DUOXA2: variants seen among roughly 807,000 people sequenced by gnomAD.
DUOXA2 encodes the protein dual oxidase maturation factor 2.
DUOXA2 carries 22 observed loss-of-function variants against 27.6 expected under a neutral mutation model. That is an observed-to-expected ratio of 0.80 (90% CI 0.57 to 1.14). The LOEUF (loss-of-function observed/expected upper bound fraction) is 1.14, where lower values mean the gene tolerates loss of function less well. Among genes scored for constraint, DUOXA2 ranks in the 50% most tolerant of loss-of-function variants. The pLI, the probability that DUOXA2 is intolerant of heterozygous loss-of-function variation, is 0.00. For missense variants in DUOXA2, 481 were observed against 419.9 expected (o/e 1.15, Z -1.27); for synonymous variants, 188 against 184.4 (o/e 1.02, Z -0.16).
intron 4 of DUOXA2, 96 bp downstream of exon 4, chr15:45,116,825 T>C (rs1248583935): frequency 6.9e-7 from 1 of 1,442,234 alleles, no homozygotes. Flanking sequence ...GCTGAGCAGC[T>C]GCAGCCAGAC....
At position 45,114,493 on chromosome 15, in the gene DUOXA2, G is replaced by A. The variant is rs1412651596; in HGVS notation, c.-113G>A. Reference sequence around the variant, plus strand: ...GGACTCAGACTTCACCAGCCCACTCGGTCCCAGCCTTGTACGCAAAGAGAC... The same window carrying A: ...GGACTCAGACTTCACCAGCCCACTCAGTCCCAGCCTTGTACGCAAAGAGAC... On this transcript the variant is annotated 5_prime_UTR_variant, in exon 1 of 6. Coordinates refer to ENST00000323030, the MANE Select transcript of DUOXA2 (RefSeq NM_207581.4). The A allele has an allele frequency of 7.5e-6, 11 of 1,468,742 alleles. No homozygotes were observed. In the East Asian group the frequency reaches 1.2e-4, roughly 16 times the overall value. The allele number at this position is 1,468,742 out of a possible 1,614,324, so 91.0% of individuals were successfully genotyped here.
rs1595533754 is a variant in DUOXA2 at position 45,116,409 on chromosome 15, C to A, written c.341-107C>A. On this transcript the variant is annotated intron_variant, in intron 3 of 5. Transcript: ENST00000323030. ...TGCGTTTTCTCCAACCACCACCGAA[C>A]CCATTTCTCCCGCCGAGAGCGCCAC... 3.9e-6 allele frequency: 6 copies of A among 1,554,350 alleles called. No individual in the cohort carries two copies. In the East Asian group the frequency reaches 1.1e-4, roughly 29 times the overall value.
In DUOXA2 at chr15:45,118,231, A is replaced by C; in HGVS notation, c.*322A>C. ...CTGTGAAACCTGATTCTCTGCGTCG[A>C]CTCCAGAGTAATAGGGGCGCCCTCT... On this transcript the variant is annotated 3_prime_UTR_variant, in exon 6 of 6. Coordinates refer to ENST00000323030, the MANE Select transcript of DUOXA2 (RefSeq NM_207581.4). 7.1e-7 allele frequency: 1 copy of C among 1,402,224 alleles called. No individual in the cohort carries two copies. The highest frequency in any genetic ancestry group is 9.2e-7 in the Non-Finnish European group (1 of 1,084,674). The allele number at this position is 1,402,224 out of a possible 1,614,324, so 86.9% of individuals were successfully genotyped here.
rs1894639527 is a variant in DUOXA2, at chr15:45,116,487, CAGCCCCATG to C, written c.341-23_341-15del. 1 of 1,611,822 alleles carries C rather than the reference CAGCCCCATG, an allele frequency of 6.2e-7. No individual in the cohort carries two copies. Among genetic ancestry groups the C allele is most frequent in the East Asian group, 2.2e-5 (1 of 44,862 alleles). On this transcript the variant is annotated intron_variant, in intron 3 of 5. Coordinates refer to ENST00000323030, the MANE Select transcript of DUOXA2 (RefSeq NM_207581.4). ...TAGTTGCGAGGTCTCCGACCGCGGG[CAGCCCCATG>C]AGCCCGCCTCACCCCACAGGGACCC...
Position 45,118,400 on chromosome 15 carries a change from T to G in DUOXA2, c.*491T>G. 1 of 1,055,754 alleles carries G rather than the reference T, an allele frequency of 9.5e-7. No homozygotes were observed. The highest frequency in any genetic ancestry group is 1.1e-6 in the Non-Finnish European group (1 of 875,558). 65.4% of individuals were successfully genotyped at this position (1,055,754 alleles called of 1,614,324 possible). A position where few individuals can be genotyped will look rare whatever the true frequency, so the allele number is the denominator to read the frequency against. ...CCCAGCTGAGTGGGGTGGGAAGGAA[T>G]AGCGTTTTGGAGTTGATTCCCTAAC... On this transcript the variant is annotated 3_prime_UTR_variant, in exon 6 of 6. Coordinates refer to ENST00000323030, the MANE Select transcript of DUOXA2 (RefSeq NM_207581.4).
chr15:45,114,350 A>ACT lies in DUOXA2; in HGVS notation c.-256_-255insCT. The ACT allele has an allele frequency of 1.8e-6, 1 of 547,514 alleles. No homozygotes were observed. Among genetic ancestry groups the ACT allele is most frequent in the South Asian group, 2.0e-5 (1 of 49,146 alleles). The allele number at this position is 547,514 out of a possible 1,614,324, so 33.9% of individuals were successfully genotyped here. ...CAGCGCCAACCCGCAGAACCAGGAA[A>ACT]GTAACGGCTACAGACAGTGAGAAAT... On this transcript the variant is annotated 5_prime_UTR_variant, in exon 1 of 6. Coordinates refer to ENST00000323030, the MANE Select transcript of DUOXA2 (RefSeq NM_207581.4).
At chr15:45,116,978 C>A in intron 4 of DUOXA2, 113 bp from the exon 5 acceptor site, 2 of 1,312,770 alleles carry the variant, frequency 1.5e-6, no homozygotes, top group Non-Finnish European at 2.1e-6. Context: ...GCACCGCTGC[C>A]ATCCCAGTCC....
At chr15:45,114,896 G>T (rs143133718) in intron 1 of DUOXA2, 144 bp downstream of exon 1, 3 of 1,269,904 alleles carry the variant, frequency 2.4e-6, no homozygotes, top group Non-Finnish European at 3.4e-6. Flanking sequence ...TCAGGAGTCT[G>T]GTGCAGCAAG....
Position 45,114,630 on chromosome 15 carries a change from C to T in DUOXA2, c.25C>T (p.Pro9Ser), listed in dbSNP as rs987843329. 6.2e-7 allele frequency: 1 copy of T among 1,614,216 alleles called. No homozygotes were observed. Among genetic ancestry groups the T allele is most frequent in the Non-Finnish European group, 8.5e-7 (1 of 1,180,040 alleles). ...CATGACCCTGTGGAACGGCGTACTG[C>T]CTTTTTACCCCCAGCCCCGGCATGC... MTLWNGVL[P>S]FYPQPRHAAG... The change falls in exon 1 of 6, where the codon CCT (proline) becomes TCT (serine). Residue 9 changes from proline (P) to serine (S), a missense_variant. Coordinates refer to ENST00000323030, the MANE Select transcript of DUOXA2 (RefSeq NM_207581.4).
At chr15:45,117,687 C>T (rs1894745208) in intron 5 of DUOXA2, 29 bp from the exon 6 acceptor site, 1 of 1,613,844 alleles carries the variant, frequency 6.2e-7, no homozygotes, top group Non-Finnish European at 8.5e-7. Context: ...TCCACATGCC[C>T]TCCTTTCTTT....
Position 45,115,820 on chromosome 15 carries a change from G to GTTC in DUOXA2, c.174_176dup (p.Leu59dup). The GTTC allele has an allele frequency of 6.2e-7, 1 of 1,614,118 alleles. No homozygotes were observed. Among genetic ancestry groups the GTTC allele is most frequent in the Non-Finnish European group, 8.5e-7 (1 of 1,180,014 alleles). On this transcript the variant is annotated inframe_insertion, in exon 2 of 6. Transcript: ENST00000323030. Reference sequence around the variant, plus strand: ...GCAGCGCTGGTTTTGGTTGGTGAGAGTTCTTCTCAGTCTGTTCATAGGCGC... The same window carrying GTTC: ...GCAGCGCTGGTTTTGGTTGGTGAGAGTTCTTCTTCTCAGTCTGTTCATAGGCGC...
chr15:45,114,672 C>A lies in DUOXA2; in HGVS notation c.67C>A (p.Pro23Thr). 1 of 1,614,198 alleles carries A rather than the reference C, an allele frequency of 6.2e-7. No individual in the cohort carries two copies. The highest frequency in any genetic ancestry group is 8.5e-7 in the Non-Finnish European group (1 of 1,180,026). ...QPRHAAGFSV[P>T]LLIVILVFLA... ...CCGGCATGCCGCAGGCTTCAGCGTT[C>A]CACTGCTCATCGTTATTCTAGTGTT... is the stretch of plus-strand genomic sequence containing the variant. Residue 23 changes from proline to threonine, a missense_variant, in exon 1 of 6, where the codon CCA (proline) becomes ACA (threonine). By Grantham distance (38) the Pro-to-Thr change is conservative (BLOSUM62 -1). Transcript: ENST00000323030.
chr15:45,116,424 G>T, intron 3 of DUOXA2, 92 bp from the exon 4 acceptor site: 2 of 1,567,612 alleles, frequency 1.3e-6, no homozygotes, highest in Non-Finnish European at 1.7e-6. Context: ...TTCTCCCGCC[G>T]AGAGCGCCAC....
chr15:45,116,803 G>A, intron 4 of DUOXA2, 74 bp downstream of exon 4: 3 of 1,539,840 alleles, frequency 1.9e-6, no homozygotes, highest in Non-Finnish European at 2.6e-6. Context: ...GGAGGATGCA[G>A]GCCTCGGAGG....
In DUOXA2 at chr15:45,116,770, C is replaced by T. The variant is rs756843652; in HGVS notation, c.554+41C>T. 10 of 1,597,456 alleles carry T rather than the reference C, an allele frequency of 6.3e-6. No homozygotes were observed. The South Asian group carries it at 6.7e-5, about 11-fold the overall frequency. On this transcript the variant is annotated intron_variant, in intron 4 of 5. Transcript: ENST00000323030. ...AAGGCTGTGTGCACGTGTGTGTGTG[C>T]CAGGAGCTGGGCCGTATGAGCGGGA...
At position 45,117,882 on chromosome 15, in the gene DUOXA2, C is replaced by T; in HGVS notation, c.936C>T (p.Asp312=). Residue 312 remains aspartate, a synonymous_variant, in exon 6 of 6, where the codon GAC becomes GAT. Coordinates refer to ENST00000323030, the MANE Select transcript of DUOXA2 (RefSeq NM_207581.4). ...TGCACAAGCAGGCCGCTCTCCCAGA[C>T]TTAAAATGTATCACCACTAACCTGT... The part of the protein sequence containing the change: ...DPLHKQAALP[D]LKCITTNL The T allele has an allele frequency of 6.2e-7, 1 of 1,613,544 alleles. No homozygotes were observed.
chr15:45,116,814 C>A, intron 4 of DUOXA2, 85 bp downstream of exon 4: 1 of 1,503,454 alleles, frequency 6.7e-7, no homozygotes, highest in Non-Finnish European at 9.1e-7. Context: ...GCCTCGGAGG[C>A]GCTGAGCAGC....
Position 45,116,180 on chromosome 15 carries a change from A to G in DUOXA2, c.262A>G (p.Lys88Glu), listed in dbSNP as rs1314062713. The change falls in exon 3 of 6, where the codon AAA (lysine) becomes GAA (glutamate). Residue 88 changes from lysine (K) to glutamate (E), a missense_variant. Physicochemically the swap from Lys to Glu is moderately conservative, Grantham distance 56. Coordinates refer to ENST00000323030, the MANE Select transcript of DUOXA2 (RefSeq NM_207581.4). The stretch of plus-strand genomic sequence containing the variant: ...TACAGTGAACACCAACACATCCTAC[A>G]AAGCCTTCAGCGCAGCGCGCGTTAC... The part of the protein sequence containing the change: ...VGTVNTNTSY[K>E]AFSAARVTAR... 2 of 1,614,084 alleles carry G rather than the reference A, an allele frequency of 1.2e-6. No homozygotes were observed. The highest frequency in any genetic ancestry group is 1.3e-5 in the African/African-American group (1 of 75,038).
In DUOXA2 at chr15:45,115,813, G is replaced by T; in HGVS notation, c.162G>T (p.Leu54Phe). 6.2e-7 allele frequency: 1 copy of T among 1,614,118 alleles called. No homozygotes were observed. Among genetic ancestry groups the T allele is most frequent in the Admixed American group, 1.7e-5 (1 of 60,012 alleles). ...GIRGHSRWFWLVRVLLSLFIG... is the reference protein window; with the variant it reads ...GIRGHSRWFWFVRVLLSLFIG... The stretch of plus-strand genomic sequence containing the variant: ...TATTCCTGCAGCGCTGGTTTTGGTT[G>T]GTGAGAGTTCTTCTCAGTCTGTTCA... The change falls in exon 2 of 6, where the codon TTG becomes TTT. Residue 54 changes from leucine (L) to phenylalanine (F), a missense_variant. Leu to Phe is a conservative substitution (Grantham distance 22). Coordinates refer to ENST00000323030, the MANE Select transcript of DUOXA2 (RefSeq NM_207581.4).
Sources: gnomAD v4.1 joint callset for allele counts on GRCh38, gnomAD v4.1.1 for gene constraint, MANE v1.5 for transcripts, NCBI Gene and HGNC (gene_info 2026-07-23, HGNC 2026-07-21) for gene names.